The following TMEM132D variants were observed in gnomAD, a reference collection of about 807,000 sequenced individuals.
TMEM132D encodes transmembrane protein 132D.
Under a neutral mutation model 62.3 loss-of-function variants are expected in TMEM132D, and 21 were observed. That is an observed-to-expected ratio of 0.34 (90% CI 0.24 to 0.49). The LOEUF (loss-of-function observed/expected upper bound fraction) is 0.49, where lower values mean the gene tolerates loss of function less well. Among genes scored for constraint, TMEM132D ranks in the 20% least tolerant of loss-of-function variants. The pLI, the probability that TMEM132D is intolerant of heterozygous loss-of-function variation, is 0.99. For missense variants in TMEM132D, 1,346 were observed against 1,402.8 expected, an observed-to-expected ratio of 0.96 and a Z score of 0.65; for synonymous variants, 621 against 575.6, an observed-to-expected ratio of 1.08 and a Z score of -1.13.
At chr12:129,802,924 G>T (rs1431586101) in intron 1 of TMEM132D, among the ~76,000 whole-genome samples, 1 of 151,008 alleles carries the variant, frequency 6.6e-6, no homozygotes, top group Non-Finnish European at 1.5e-5. Context: ...AACCAACAAA[G>T]ATCAAAAGAG....
At chr12:129,112,859 T>C (rs1875766193) in intron 5 of TMEM132D, among the ~76,000 whole-genome samples, 1 of 152,128 alleles carries the variant, frequency 6.6e-6, no homozygotes, top group South Asian at 2.1e-4. Flanking sequence ...CCTCTCTTCC[T>C]TGTGACCTAA....
At chr12:129,725,366 C>T (rs1405734215) in intron 1 of TMEM132D, among the ~76,000 whole-genome samples, 1 of 152,200 alleles carries the variant, frequency 6.6e-6, no homozygotes, top group Non-Finnish European at 1.5e-5. Context: ...AATAAAAGCT[C>T]GCTAATTTGT....
intron 4 of TMEM132D, among the ~76,000 whole-genome samples, chr12:129,229,666 T>C (rs1379437694): frequency 6.6e-6 from 1 of 152,236 alleles, no homozygotes; most frequent in Non-Finnish European, 1.5e-5. Flanking sequence ...CATAGAAAAT[T>C]GATAAACATC....
At chr12:129,658,221 T>C (rs961148301) in intron 2 of TMEM132D, among the ~76,000 whole-genome samples, 34 of 152,166 alleles carry the variant, frequency 2.2e-4, no homozygotes, top group African/African-American at 8.2e-4. Context: ...AGTAAACCCC[T>C]GGTTGGTTAG....
At chr12:129,568,333 C>T (rs1367163973) in intron 2 of TMEM132D, among the ~76,000 whole-genome samples, 1 of 152,200 alleles carries the variant, frequency 6.6e-6, no homozygotes, top group Non-Finnish European at 1.5e-5. Context: ...GATCCTGTCA[C>T]CCCCTGGTCC....
At chr12:129,602,150 G>A (rs1190618574) in intron 2 of TMEM132D, among the ~76,000 whole-genome samples, 1 of 152,084 alleles carries the variant, frequency 6.6e-6, no homozygotes, top group Admixed American at 6.5e-5. Flanking sequence ...ACAGCTACAA[G>A]GGCCAACTCT....
At chr12:129,208,696 G>T (rs1311180185) in intron 5 of TMEM132D, 1 of 152,176 alleles carries the variant, frequency 6.6e-6, no homozygotes, top group Non-Finnish European at 1.5e-5. Flanking sequence ...TCGCTGTCCC[G>T]GGCTTTTGTT....
At chr12:129,639,606 C>T (rs1879590188) in intron 2 of TMEM132D, among the ~76,000 whole-genome samples, 1 of 151,966 alleles carries the variant, frequency 6.6e-6, no homozygotes, top group African/African-American at 2.4e-5. Flanking sequence ...ACCTGGGCCC[C>T]CTACAGACCA....
intron 1 of TMEM132D, among the ~76,000 whole-genome samples, chr12:129,859,559 G>A (rs1873827142): frequency 6.6e-6 from 1 of 152,168 alleles, no homozygotes. Context: ...CAGAGAAGAT[G>A]AACAACTGAG....
At chr12:129,700,983 T>C (rs764911241) in intron 1 of TMEM132D, among the ~76,000 whole-genome samples, 1 of 152,206 alleles carries the variant, frequency 6.6e-6, no homozygotes, top group Non-Finnish European at 1.5e-5. Context: ...CCACTCGTGA[T>C]AATGGTGTTT....
chr12:129,078,718 G>A lies in TMEM132D; in HGVS notation c.1931C>T (p.Ser644Phe). The change falls in exon 8 of 9, where the codon TCT becomes TTT. Residue 644 changes from serine to phenylalanine, a missense_variant. Ser to Phe is a radical substitution (Grantham distance 155). Transcript: ENST00000422113. ...AGCGAGGATGGTGTCTGACAGAGGA[G>A]ACAGGATCTGGAGGGCAGAAGCGAC... ...ELGMTTIQIL[S>F]PLSDTILAEK... 1 of 1,613,940 alleles carries A rather than the reference G, an allele frequency of 6.2e-7. No individual in the cohort carries two copies. The highest frequency in any genetic ancestry group is 8.5e-7 in the Non-Finnish European group (1 of 1,179,794).
chr12:129,594,598 C>A (rs999377069), intron 2 of TMEM132D, among the ~76,000 whole-genome samples: 1 of 152,160 alleles, frequency 6.6e-6, no homozygotes, highest in Non-Finnish European at 1.5e-5. Flanking sequence ...CATGCATAGT[C>A]CAAAATGATG....
At chr12:129,150,678 T>C (rs556803505) in intron 5 of TMEM132D, among the ~76,000 whole-genome samples, 5 of 152,286 alleles carry the variant, frequency 3.3e-5, no homozygotes, top group East Asian at 1.9e-4. Context: ...GCTTCTCCAA[T>C]TGAGAGCCAC....
Position 129,699,847 on chromosome 12 carries a change from T to G in TMEM132D, c.931A>C (p.Ile311Leu). ...KGDVLTFPVS[I>L]SRNSTEDRFT... ...CGATCTTCAGTGGAATTTCTGGAGA[T>G]GGAAACAGGAAAAGTCAGCACGTCT... The change falls in exon 2 of 9, where the codon ATC becomes CTC. Residue 311 changes from isoleucine to leucine, a missense_variant. Coordinates refer to ENST00000422113, the MANE Select transcript of TMEM132D (RefSeq NM_133448.3). 4 of 1,614,160 alleles carry G rather than the reference T, an allele frequency of 2.5e-6. No homozygotes were observed. Among genetic ancestry groups the G allele is most frequent in the Non-Finnish European group, 3.4e-6 (4 of 1,180,032 alleles).
At chr12:129,405,024 G>C (rs1871739580) in intron 3 of TMEM132D, among the ~76,000 whole-genome samples, 1 of 152,168 alleles carries the variant, frequency 6.6e-6, no homozygotes, top group African/African-American at 2.4e-5. Flanking sequence ...ATGAGGATAG[G>C]ACTCCTCCAT....
intron 2 of TMEM132D, among the ~76,000 whole-genome samples, chr12:129,658,079 G>C (rs1294117105): frequency 6.6e-6 from 1 of 152,188 alleles, no homozygotes; most frequent in Non-Finnish European, 1.5e-5. Flanking sequence ...ACAAGTGCTT[G>C]AGAGAGTAGC....
chr12:129,703,865 A>G (rs1881441491), intron 1 of TMEM132D, among the ~76,000 whole-genome samples: 1 of 150,718 alleles, frequency 6.6e-6, no homozygotes, highest in Non-Finnish European at 1.5e-5. Context: ...TGAGCACAAG[A>G]CTCTCAGTTT....
intron 2 of TMEM132D, among the ~76,000 whole-genome samples, chr12:129,625,503 T>C (rs1879189320): frequency 6.6e-6 from 1 of 152,198 alleles, no homozygotes; most frequent in Non-Finnish European, 1.5e-5. Context: ...CCCAGAATTT[T>C]TCTCCTGGAC....
Position 129,244,246 on chromosome 12 carries a change from T to C in TMEM132D, c.1300-34583A>G, listed in dbSNP as rs546560788. On this transcript the variant is annotated intron_variant, in intron 4 of 8. Coordinates refer to ENST00000422113, the MANE Select transcript of TMEM132D (RefSeq NM_133448.3). Reference sequence around the variant, plus strand: ...TAAAAATACAAAAAAATTAGCCGGGTGTGGTGGCGGGCGCCTGTAGTCCCA... The same window carrying C: ...TAAAAATACAAAAAAATTAGCCGGGCGTGGTGGCGGGCGCCTGTAGTCCCA... Among the ~76,000 whole-genome samples, 993 of 150,668 alleles carry C rather than the reference T, an allele frequency of 6.6e-3. 12 individuals are homozygous for C. The highest frequency in any genetic ancestry group is 0.021 in the African/African-American group (850 of 41,040).
Sources: gnomAD v4.1 joint callset for allele counts (sites outside exome capture counted in the v4.1 genomes callset) on GRCh38, gnomAD v4.1.1 for gene constraint, MANE v1.5 for transcripts, NCBI Gene and HGNC (gene_info 2026-07-23, HGNC 2026-07-21) for gene names.